The following JAK2 variants were observed in gnomAD, a reference collection of about 807,000 sequenced individuals.
The protein encoded by JAK2 is tyrosine-protein kinase JAK2.
A neutral mutation model predicts 139.3 loss-of-function variants in JAK2; 86 were observed. The ratio of observed to expected loss-of-function variants is 0.62; its 90% CI spans 0.52 to 0.74. The LOEUF is 0.74. Ranked by LOEUF, JAK2 falls within the 30% of genes least tolerant of loss-of-function variation. The pLI is 0.00. For missense variants in JAK2, 1,421 were observed against 1,360.3 expected, an observed-to-expected ratio of 1.04 and a Z score of -0.70; for synonymous variants, 490 against 437.7, an observed-to-expected ratio of 1.12 and a Z score of -1.49.
chr9:4,989,556 C>T (rs982498018), intron 2 of JAK2, among the ~76,000 whole-genome samples: 2 of 152,104 alleles, frequency 1.3e-5, no homozygotes, highest in Non-Finnish European at 2.9e-5. Flanking sequence ...TTTGTTAATA[C>T]TTGCAATGTA....
At chr9:5,049,237 C>G (rs181017209) in intron 5 of JAK2, among the ~76,000 whole-genome samples, 1 of 152,202 alleles carries the variant, frequency 6.6e-6, no homozygotes, top group East Asian at 1.9e-4. Flanking sequence ...TACTACTCTG[C>G]CAATGGAAGA....
intron 2 of JAK2, among the ~76,000 whole-genome samples, chr9:4,993,844 C>T (rs1012550654): frequency 1.3e-5 from 2 of 152,232 alleles, no homozygotes; most frequent in Non-Finnish European, 2.9e-5. Context: ...TTTGGACATT[C>T]TCCCCACGTC....
intron 4 of JAK2, chr9:5,041,373 T>A: frequency 1.6e-6 from 1 of 625,412 alleles, no homozygotes; most frequent in South Asian, 1.7e-5. Flanking sequence ...AACATGCACC[T>A]GGGCAAGGAG....
chr9:4,991,906 C>A (rs1368099845), intron 2 of JAK2, among the ~76,000 whole-genome samples: 1 of 152,188 alleles, frequency 6.6e-6, no homozygotes, highest in Non-Finnish European at 1.5e-5. Flanking sequence ...CTCAATTCTT[C>A]CCTCTACTGG....
chr9:5,093,958 G>A (rs1037584793), intron 22 of JAK2, among the ~76,000 whole-genome samples: 2 of 152,018 alleles, frequency 1.3e-5, no homozygotes, highest in African/African-American at 4.8e-5. Flanking sequence ...TTCATAAAGT[G>A]CCCTCCCCCC....
intron 14 of JAK2, 81 bp downstream of exon 14, chr9:5,073,866 C>G: frequency 1.2e-6 from 1 of 866,302 alleles, no homozygotes; most frequent in Non-Finnish European, 1.9e-6. Context: ...TTCAGGATCA[C>G]AGCTAGGTGT....
rs2130493865 is a variant in JAK2, at chr9:5,065,036, A to G, written c.1210A>G (p.Ile404Val). The G allele has an allele frequency of 6.3e-7, 1 of 1,577,224 alleles. No individual in the cohort carries two copies. Among genetic ancestry groups the G allele is most frequent in the Non-Finnish European group, 8.6e-7 (1 of 1,163,334 alleles). The change falls in exon 9 of 25, where the codon ATT becomes GTT. Residue 404 changes from isoleucine (I) to valine (V), a missense_variant. Ile to Val is a conservative substitution (Grantham distance 29, BLOSUM62 3). Coordinates refer to ENST00000381652, the MANE Select transcript of JAK2 (RefSeq NM_004972.4). ...TATACAAAGCAACTGTCATGGCCCA[A>G]TTTCGTGAGTAATACAGACTTAAAA... is the stretch of plus-strand genomic sequence containing the variant. ...ENIQSNCHGP[I>V]SMDFAISKLK...
chr9:5,089,171 T>C (rs887430716), intron 19 of JAK2, among the ~76,000 whole-genome samples: 63 of 152,336 alleles, frequency 4.1e-4, no homozygotes, highest in African/African-American at 1.4e-3. Context: ...AGAAATTAAA[T>C]TTACAGATTT....
chr9:5,009,616 T>C (rs1563923221), intron 2 of JAK2, among the ~76,000 whole-genome samples: 1 of 152,204 alleles, frequency 6.6e-6, no homozygotes, highest in East Asian at 1.9e-4. Flanking sequence ...TGGTCCATTT[T>C]GGTCTTACTC....
intron 19 of JAK2, among the ~76,000 whole-genome samples, chr9:5,083,038 A>C (rs556571810): frequency 6.6e-6 from 1 of 152,258 alleles, no homozygotes; most frequent in Non-Finnish European, 1.5e-5. Context: ...TGTAATGTGC[A>C]TGAACATCTT....
intron 22 of JAK2, chr9:5,114,364 G>A (rs1025411286): frequency 5.6e-5 from 30 of 532,734 alleles, no homozygotes; most frequent in African/African-American, 4.7e-4. Context: ...CAGTGCAATG[G>A]CACGTTCACC....
intron 22 of JAK2, chr9:5,111,095 G>A: frequency 8.2e-7 from 1 of 1,224,848 alleles, no homozygotes; most frequent in Admixed American, 2.0e-5. Flanking sequence ...TGGGGCAGCG[G>A]CGACCAGAAC....
chr9:5,090,685 T>C lies in JAK2; in HGVS notation c.2887-54T>C, dbSNP rs539328212. 3.9e-6 allele frequency: 6 copies of C among 1,541,748 alleles called. No individual in the cohort carries two copies. In the African/African-American group the frequency reaches 4.2e-5, roughly 11 times the overall value. On this transcript the variant is annotated intron_variant, in intron 21 of 24. Transcript: ENST00000381652. ...AAGGGAATATATAGGGTTAAGACCA[T>C]TTAAATTGTTTATATTTATAAAACT...
intron 3 of JAK2, among the ~76,000 whole-genome samples, chr9:5,027,675 C>G (rs1822866671): frequency 6.6e-6 from 1 of 152,232 alleles, no homozygotes; most frequent in Admixed American, 6.5e-5. Context: ...CACTCAAACC[C>G]TGCCACTGCT....
chr9:5,090,472 G>T lies in JAK2; in HGVS notation c.2788G>T (p.Glu930Ter), dbSNP rs1820491695. The change falls in exon 21 of 25, where the codon GAA (glutamate) becomes TAA (stop). Residue 930 changes from glutamate (E) to a stop codon, truncating the protein, a stop_gained. Coordinates refer to ENST00000381652, the MANE Select transcript of JAK2 (RefSeq NM_004972.4). LOFTEE classifies it high-confidence loss of function. ...TCGGCGTAATCTAAAATTAATTATG[G>T]AATATTTACCATATGGAAGTTTACG... ...AGRRNLKLIM[E>*]YLPYGSLRDY... is the part of the protein sequence containing the mutation. 6.4e-7 allele frequency: 1 copy of T among 1,565,542 alleles called. No homozygotes were observed. Among genetic ancestry groups the T allele is most frequent in the Non-Finnish European group, 8.6e-7 (1 of 1,156,356 alleles).
intron 8 of JAK2, among the ~76,000 whole-genome samples, chr9:5,062,631 G>T (rs1265228112): frequency 1.3e-5 from 2 of 151,686 alleles, no homozygotes; most frequent in Non-Finnish European, 2.9e-5. Flanking sequence ...TAGTTCAAAG[G>T]GTATGAATAT....
intron 2 of JAK2, among the ~76,000 whole-genome samples, chr9:5,004,360 T>A (rs1821133211): frequency 6.6e-6 from 1 of 152,204 alleles, no homozygotes; most frequent in East Asian, 1.9e-4. Flanking sequence ...TTTTTTAGAT[T>A]CTATGGATCA....
chr9:5,011,836 G>A (rs1237200145), intron 2 of JAK2, among the ~76,000 whole-genome samples: 2 of 152,168 alleles, frequency 1.3e-5, no homozygotes, highest in Non-Finnish European at 2.9e-5. Flanking sequence ...GCTTTGTTGG[G>A]ACAGGTCTAT....
At chr9:5,046,564 G>C (rs976548331) in intron 5 of JAK2, among the ~76,000 whole-genome samples, 1 of 152,148 alleles carries the variant, frequency 6.6e-6, no homozygotes, top group Non-Finnish European at 1.5e-5. Flanking sequence ...TCCATTTTGA[G>C]TTAATTTTTG....
Sources: gnomAD v4.1 joint callset for allele counts (sites outside exome capture counted in the v4.1 genomes callset) on GRCh38, gnomAD v4.1.1 for gene constraint, MANE v1.5 for transcripts, NCBI Gene and HGNC (gene_info 2026-07-23, HGNC 2026-07-21) for gene names.